WDR64: variants seen among roughly 807,000 people sequenced by gnomAD.
WDR64 encodes WD repeat-containing protein 64.
WDR64 carries 112 observed loss-of-function variants against 139.3 expected under a neutral mutation model. The observed-to-expected ratio is 0.80, with a 90% CI of 0.69 to 0.94. The LOEUF is 0.94. WDR64 is among the 40% of genes least tolerant of loss of function. The probability of loss-of-function intolerance (pLI) is 0.00; values close to 1 mark genes in which losing one functional copy is unlikely to be tolerated. For synonymous variants in WDR64, 444 were observed against 437.7 expected (o/e 1.01, Z -0.18); for missense variants, 1,206 against 1,293.1 (o/e 0.93, Z 1.03).
At chr1:241,700,465 A>C (rs12038716) in intron 8 of WDR64, among the ~76,000 whole-genome samples, 43,538 of 151,876 alleles carry the variant, frequency 0.29, 6,387 homozygotes, top group Non-Finnish European at 0.32. Context: ...GAGCAGAGAT[A>C]TGAATGTGGT....
Position 241,744,378 on chromosome 1 carries a change from C to T in WDR64, c.1471-15C>T, listed in dbSNP as rs76387839. On this transcript the variant is annotated splice_polypyrimidine_tract_variant and intron_variant, in intron 12 of 27. Coordinates refer to ENST00000437684, the MANE Select transcript of WDR64 (RefSeq NM_001367482.1). Reference sequence around the variant, plus strand: ...CTTCAAACGGATTACTTGATATTTTCGTTCTTTCCCATAGGTATGGGAACT... The same window carrying T: ...CTTCAAACGGATTACTTGATATTTTTGTTCTTTCCCATAGGTATGGGAACT... 8.6e-3 allele frequency: 13,885 copies of T among 1,612,548 alleles called. 995 individuals carry two copies. In the African/African-American group the frequency reaches 0.16, roughly 18 times the overall value.
chr1:241,764,527 C>T (rs752818825), intron 15 of WDR64, among the ~76,000 whole-genome samples: 13 of 151,830 alleles, frequency 8.6e-5, no homozygotes, highest in Admixed American at 2.0e-4. Context: ...TTGGGTGCAG[C>T]GGCGTGCACC....
At chr1:241,744,039 G>C (rs1323042605) in intron 12 of WDR64, among the ~76,000 whole-genome samples, 1 of 152,120 alleles carries the variant, frequency 6.6e-6, no homozygotes, top group East Asian at 1.9e-4. Flanking sequence ...AGTGTCACCA[G>C]GGAATAAATC....
chr1:241,711,993 C>A, intron 9 of WDR64, 112 bp downstream of exon 9: 2 of 1,017,646 alleles, frequency 2.0e-6, no homozygotes, highest in Non-Finnish European at 2.9e-6. Flanking sequence ...TGTATCAAGT[C>A]AAATCTGTTT....
chr1:241,797,685 C>G (rs1659406472), intron 27 of WDR64, among the ~76,000 whole-genome samples: 2 of 151,766 alleles, frequency 1.3e-5, no homozygotes, highest in South Asian at 4.2e-4. Flanking sequence ...GAATTTTTGG[C>G]ATTAGAAGAG....
intron 13 of WDR64, among the ~76,000 whole-genome samples, chr1:241,746,468 A>G (rs1313196602): frequency 6.6e-6 from 1 of 152,176 alleles, no homozygotes; most frequent in Non-Finnish European, 1.5e-5. Context: ...ACAATAAAGA[A>G]AGTGTCTCCA....
At chr1:241,678,412 C>T (rs536423825) in intron 5 of WDR64, among the ~76,000 whole-genome samples, 196 bp downstream of exon 5, 18 of 152,228 alleles carry the variant, frequency 1.2e-4, no homozygotes, top group Admixed American at 2.6e-4. Flanking sequence ...TCTTGCTTTC[C>T]GGAGTTAAAC....
At chr1:241,758,025 T>C (rs1200689701) in intron 15 of WDR64, among the ~76,000 whole-genome samples, 1 of 152,148 alleles carries the variant, frequency 6.6e-6, no homozygotes, top group Non-Finnish European at 1.5e-5. Flanking sequence ...CCAAACAAGG[T>C]TTATTTGTTG....
At chr1:241,682,623 TC>T (rs1666851450) in intron 6 of WDR64, among the ~76,000 whole-genome samples, 1 of 152,216 alleles carries the variant, frequency 6.6e-6, no homozygotes, top group East Asian at 1.9e-4. Context: ...CTCTTTTGGC[TC>T]CATATGAATT....
intron 16 of WDR64, among the ~76,000 whole-genome samples, chr1:241,766,927 C>T (rs187642641): frequency 6.6e-6 from 1 of 152,240 alleles, no homozygotes; most frequent in East Asian, 1.9e-4. Flanking sequence ...TGATCTTGCC[C>T]AAATTTATGA....
intron 10 of WDR64, among the ~76,000 whole-genome samples, chr1:241,727,087 A>T (rs1486230829): frequency 6.6e-6 from 1 of 152,016 alleles, no homozygotes; most frequent in Non-Finnish European, 1.5e-5. Context: ...GGGTTTCGTC[A>T]TGTTGTCCAG....
At chr1:241,698,215 G>A (rs1667572932) in intron 8 of WDR64, among the ~76,000 whole-genome samples, 1 of 151,948 alleles carries the variant, frequency 6.6e-6, no homozygotes, top group South Asian at 2.1e-4. Flanking sequence ...TTTGCTTGGT[G>A]GCACTATGGT....
At chr1:241,734,767 T>C (rs950592036) in intron 10 of WDR64, among the ~76,000 whole-genome samples, 1 of 152,102 alleles carries the variant, frequency 6.6e-6, no homozygotes, top group African/African-American at 2.4e-5. Context: ...AGACAGATAC[T>C]GTCATATGCT....
intron 27 of WDR64, among the ~76,000 whole-genome samples, chr1:241,800,049 C>T (rs1659476752): frequency 6.6e-6 from 1 of 152,140 alleles, no homozygotes; most frequent in African/African-American, 2.4e-5. Context: ...ACATAAGAGA[C>T]ACTGCAGAAA....
chr1:241,685,399 ATTT>A lies in WDR64; in HGVS notation c.839+1702_839+1704del, dbSNP rs935327728. 7.2e-5 allele frequency among the ~76,000 whole-genome samples: 11 copies of A among 151,962 alleles called. 1 individual carries two copies. In the East Asian group the frequency reaches 2.1e-3, roughly 29 times the overall value. ...GGATAAAAAAATTTTAATTTAATTA[ATTT>A]TTTATGTATATATGAATCCAGTCTT... is the stretch of plus-strand genomic sequence containing the variant. On this transcript the variant is annotated intron_variant, in intron 7 of 27. Transcript: ENST00000437684.
chr1:241,762,582 TCTAATCAAACCTTTTG>T (rs1256155743), intron 15 of WDR64, among the ~76,000 whole-genome samples: 1 of 152,126 alleles, frequency 6.6e-6, no homozygotes, highest in African/African-American at 2.4e-5. Context: ...ATTATAGTAC[TCTAATCAAACCTTTTG>T]CACTTTTCAG....
chr1:241,666,502 G>A (rs540538845), intron 2 of WDR64, among the ~76,000 whole-genome samples: 61 of 152,198 alleles, frequency 4.0e-4, no homozygotes, highest in African/African-American at 1.2e-3. Flanking sequence ...TATTATTGTC[G>A]TAAGAGCATA....
chr1:241,714,580 G>A (rs984691270), intron 9 of WDR64, among the ~76,000 whole-genome samples: 2 of 150,002 alleles, frequency 1.3e-5, no homozygotes, highest in African/African-American at 2.4e-5. Flanking sequence ...CTCCCCTAAG[G>A]GCATAAAGTT....
At position 241,735,533 on chromosome 1, in the gene WDR64, C is replaced by CCCT. The variant is rs1237771842; in HGVS notation, c.1195-2830_1195-2829insCCT. On this transcript the variant is annotated intron_variant, in intron 10 of 27. Coordinates refer to ENST00000437684, the MANE Select transcript of WDR64 (RefSeq NM_001367482.1). ...GTTCTCTGTCTCTCTCTCTCTCTCT[C>CCCT]TTTTTTTTTTTTTTTTTTTGATACG... Among the ~76,000 whole-genome samples the CCCT allele has an allele frequency of 2.5e-4, 26 of 103,492 alleles. 2 individuals carry two copies. Among genetic ancestry groups the CCCT allele is most frequent in the Non-Finnish European group, 3.2e-4 (17 of 53,798 alleles). The allele number at this position is 103,492 out of a possible 152,430, so 67.9% of individuals were successfully genotyped here.
Sources: allele counts gnomAD v4.1 joint callset (sites outside exome capture counted in the v4.1 genomes callset), GRCh38; gene constraint gnomAD v4.1.1; transcripts MANE v1.5; gene names NCBI Gene and HGNC (gene_info 2026-07-23, HGNC 2026-07-21).